The following SPATA13 variants were observed in gnomAD, a reference collection of about 807,000 sequenced individuals.
SPATA13 encodes the protein spermatogenesis associated 13.
SPATA13 carries 50 observed loss-of-function variants against 104.0 expected under a neutral mutation model. That is an observed-to-expected ratio of 0.48 (90% CI 0.38 to 0.61). The LOEUF (loss-of-function observed/expected upper bound fraction) is 0.61, where lower values mean the gene tolerates loss of function less well. Among genes scored for constraint, SPATA13 ranks in the 20% least tolerant of loss-of-function variants. SPATA13 has a pLI of 0.00. For synonymous variants in SPATA13, 606 were observed against 667.5 expected (o/e 0.91, Z 1.42); for missense variants, 1,524 against 1,690.6 (o/e 0.90, Z 1.73).
chr13:23,984,019 G>T (rs1875034256), intron 2 of SPATA13: 1 of 897,424 alleles, frequency 1.1e-6, no homozygotes, highest in Non-Finnish European at 1.3e-6. Context: ...CAGGCTGTTT[G>T]TGAAGGGCAG....
chr13:24,234,563 G>A (rs76318976), intron 2 of SPATA13, among the ~76,000 whole-genome samples: 16 of 152,186 alleles, frequency 1.1e-4, no homozygotes, highest in Admixed American at 8.5e-4. Context: ...AAGGAATGCC[G>A]TACGTTTTGT....
At chr13:24,109,457 C>CTTTGGGTATA (rs374551345) in intron 3 of SPATA13, among the ~76,000 whole-genome samples, 1,609 of 152,098 alleles carry the variant, frequency 0.011, 23 homozygotes, top group African/African-American at 0.037. Context: ...ATTTATAATT[C>CTTTGGGTATA]TTTGGGTATA....
chr13:24,251,775 G>T lies in SPATA13; in HGVS notation c.2077G>T (p.Ala693Ser), dbSNP rs773634985. 21 of 1,614,076 alleles carry T rather than the reference G, an allele frequency of 1.3e-5. No homozygotes were observed. In the South Asian group the frequency reaches 2.1e-4, roughly 16 times the overall value. ...HQVPPYKAVS[A>S]RFRPFTFSQS... The stretch of plus-strand genomic sequence containing the variant: ...GGTGCCACCCTACAAGGCTGTGTCG[G>T]CCCGGTTCCGGCCCTTCACATTCTC... The change falls in exon 4 of 13, where the codon GCC (alanine) becomes TCC (serine). Residue 693 changes from alanine (A) to serine (S), a missense_variant. Physicochemically the swap from Ala to Ser is moderately conservative, Grantham distance 99. Coordinates refer to ENST00000382108, the MANE Select transcript of SPATA13 (RefSeq NM_001166271.3).
intron 3 of SPATA13, among the ~76,000 whole-genome samples, chr13:24,057,882 A>T (rs1231123830): frequency 1.3e-5 from 2 of 151,530 alleles, no homozygotes; most frequent in Admixed American, 6.6e-5. Context: ...CTCTCTTTTG[A>T]TTTCAGCAGC....
intron 2 of SPATA13, among the ~76,000 whole-genome samples, chr13:24,247,004 G>C (rs1873177773): frequency 6.6e-6 from 1 of 152,212 alleles, no homozygotes; most frequent in African/African-American, 2.4e-5. Flanking sequence ...TGAGTTTTGT[G>C]ACAGTGTCTG....
At chr13:24,090,455 T>C (rs1230982912) in intron 3 of SPATA13, among the ~76,000 whole-genome samples, 1 of 152,202 alleles carries the variant, frequency 6.6e-6, no homozygotes, top group Non-Finnish European at 1.5e-5. Flanking sequence ...CCCACAAACA[T>C]GAGCTCCTCC....
At chr13:24,132,066 A>G (rs578143564) in intron 3 of SPATA13, among the ~76,000 whole-genome samples, 1 of 152,342 alleles carries the variant, frequency 6.6e-6, no homozygotes, top group South Asian at 2.1e-4. Flanking sequence ...TGCTTTTTGA[A>G]GGAGAAGTAG....
intron 1 of SPATA13, among the ~76,000 whole-genome samples, chr13:24,188,985 T>C (rs1220083450): frequency 1.3e-5 from 2 of 152,216 alleles, no homozygotes; most frequent in African/African-American, 2.4e-5. Context: ...TTTAGCCCAC[T>C]GTTGAGACCT....
At chr13:24,092,511 A>T (rs1256256156) in intron 3 of SPATA13, among the ~76,000 whole-genome samples, 2 of 152,238 alleles carry the variant, frequency 1.3e-5, no homozygotes, top group African/African-American at 4.8e-5. Context: ...GTGATAATGA[A>T]GTCACATGGA....
At chr13:24,118,860 T>A (rs1880938472) in intron 3 of SPATA13, among the ~76,000 whole-genome samples, 1 of 152,204 alleles carries the variant, frequency 6.6e-6, no homozygotes, top group Non-Finnish European at 1.5e-5. Context: ...AGTAAGAACT[T>A]TACAAAGATT....
At chr13:23,995,674 C>T (rs1875649327) in intron 2 of SPATA13, among the ~76,000 whole-genome samples, 1 of 152,162 alleles carries the variant, frequency 6.6e-6, no homozygotes, top group Non-Finnish European at 1.5e-5. Flanking sequence ...TTTGATTCTT[C>T]TTACCAAAAT....
chr13:24,082,853 A>AC (rs1191435616), intron 3 of SPATA13, among the ~76,000 whole-genome samples: 1,474 of 137,406 alleles, frequency 0.011, 103 homozygotes, highest in Non-Finnish European at 0.018. Flanking sequence ...AAAAAAAAAA[A>AC]ATAAGATCTT....
At chr13:24,219,018 A>C (rs1391137397) in intron 1 of SPATA13, among the ~76,000 whole-genome samples, 1 of 151,568 alleles carries the variant, frequency 6.6e-6, no homozygotes, top group Non-Finnish European at 1.5e-5. Context: ...AAAAAAAAAA[A>C]AAAGTTTCAT....
intron 3 of SPATA13, among the ~76,000 whole-genome samples, chr13:24,068,185 G>T (rs1879034783): frequency 6.6e-6 from 1 of 151,898 alleles, no homozygotes; most frequent in Non-Finnish European, 1.5e-5. Context: ...TAGGCCCCAG[G>T]GTGTTTTGTT....
At chr13:24,020,697 C>T (rs1876936810) in intron 3 of SPATA13, among the ~76,000 whole-genome samples, 1 of 152,130 alleles carries the variant, frequency 6.6e-6, no homozygotes, top group Admixed American at 6.5e-5. Flanking sequence ...TCAATGAATA[C>T]TTTTTAGTAC....
intron 1 of SPATA13, among the ~76,000 whole-genome samples, chr13:24,213,535 G>A (rs1156754833): frequency 2.0e-5 from 3 of 152,166 alleles, no homozygotes; most frequent in Non-Finnish European, 2.9e-5. Context: ...AAAGTGCTGG[G>A]ATTAGAGATG....
chr13:23,994,012 G>A (rs1415486778), intron 2 of SPATA13, among the ~76,000 whole-genome samples: 1 of 149,342 alleles, frequency 6.7e-6, no homozygotes, highest in African/African-American at 2.5e-5. Context: ...AAGTAACAAG[G>A]AGTTACAATG....
intron 2 of SPATA13, among the ~76,000 whole-genome samples, chr13:23,992,010 G>A (rs1042052143): frequency 2.0e-5 from 3 of 152,212 alleles, no homozygotes; most frequent in Admixed American, 2.0e-4. Context: ...GTTACTACAA[G>A]CCAAGCCCTC....
chr13:24,048,124 T>C (rs1256981691), intron 3 of SPATA13, among the ~76,000 whole-genome samples: 6 of 152,166 alleles, frequency 3.9e-5, no homozygotes, highest in Non-Finnish European at 7.3e-5. Flanking sequence ...CAAATGCTAA[T>C]CTCTCCCAGA....
Sources: allele counts gnomAD v4.1 joint callset (sites outside exome capture counted in the v4.1 genomes callset), GRCh38; gene constraint gnomAD v4.1.1; transcripts MANE v1.5; gene names NCBI Gene and HGNC (gene_info 2026-07-23, HGNC 2026-07-21).